SIK2: variants seen among roughly 807,000 people sequenced by gnomAD.
The protein encoded by SIK2 is serine/threonine-protein kinase SIK2.
SIK2 carries 29 observed loss-of-function variants against 103.2 expected under a neutral mutation model. The ratio of observed to expected loss-of-function variants is 0.28; its 90% confidence interval spans 0.21 to 0.38. The LOEUF is 0.38. Among genes scored for constraint, SIK2 ranks in the 10% least tolerant of loss-of-function variants. SIK2 has a pLI of 1.00. For synonymous variants in SIK2, 412 were observed against 446.1 expected (o/e 0.92, Z 0.96); for missense variants, 879 against 1,171.0 (o/e 0.75, Z 3.64).
At chr11:111,690,090 G>C (rs1371560032) in intron 4 of SIK2, among the ~76,000 whole-genome samples, 1 of 151,804 alleles carries the variant, frequency 6.6e-6, no homozygotes, top group Non-Finnish European at 1.5e-5. Context: ...TACTTTCATA[G>C]TTTATGTCTG....
chr11:111,729,118 A>AG lies in SIK2; in HGVS notation c.*4990dup, dbSNP rs751691417. The AG allele has an allele frequency of 1.8e-4, 27 of 152,380 alleles. No individual in the cohort carries two copies. Among genetic ancestry groups the AG allele is most frequent in the Admixed American group, 1.6e-3 (25 of 15,306 alleles). The allele number at this position is 152,380 out of a possible 1,614,324, so 9.4% of individuals were successfully genotyped here. On this transcript the variant is annotated 3_prime_UTR_variant, in exon 15 of 15. Transcript: ENST00000304987. ...GCAGTGGAGCCTCTCACCTTCCAGTAGCCTCTCACATTCTTATTTTACCAT... is the reference window on the plus strand; with the variant it reads ...GCAGTGGAGCCTCTCACCTTCCAGTAGGCCTCTCACATTCTTATTTTACCAT...
At chr11:111,690,505 C>T (rs558193125) in intron 4 of SIK2, among the ~76,000 whole-genome samples, 1 of 151,626 alleles carries the variant, frequency 6.6e-6, no homozygotes, top group East Asian at 1.9e-4. Flanking sequence ...AGCTTTGTTA[C>T]GTAGGTATAC....
chr11:111,715,342 A>C (rs1358041944), intron 9 of SIK2, among the ~76,000 whole-genome samples: 1 of 152,198 alleles, frequency 6.6e-6, no homozygotes, highest in Non-Finnish European at 1.5e-5. Flanking sequence ...TCAGAGACAC[A>C]GTTCCCTTTT....
rs117084703 is a variant in SIK2 at position 111,703,990 on chromosome 11, C to T, written c.948+567C>T. Among the ~76,000 whole-genome samples the T allele has an allele frequency of 8.5e-5, 13 of 152,304 alleles. No individual in the cohort carries two copies. In the East Asian group the frequency reaches 2.3e-3, roughly 27 times the overall value. On this transcript the variant is annotated intron_variant, in intron 7 of 14. Transcript: ENST00000304987. The stretch of plus-strand genomic sequence containing the variant: ...ATAGTTAGCATACTTATAGGATATA[C>T]GTATTTCTAATACCTTTACGATAGT...
intron 3 of SIK2, among the ~76,000 whole-genome samples, chr11:111,638,082 A>G (rs933177174): frequency 3.3e-5 from 5 of 152,142 alleles, no homozygotes; most frequent in East Asian, 1.9e-4. Context: ...GGGATTTCCA[A>G]TGTTTGTATC....
At chr11:111,611,086 A>ATGTGTGTGTG (rs113893092) in intron 1 of SIK2, among the ~76,000 whole-genome samples, 3 of 89,692 alleles carry the variant, frequency 3.3e-5, no homozygotes, top group African/African-American at 2.9e-5. Flanking sequence ...TCTCGACCAA[A>ATGTGTGTGTG]TGTGTGTGTG....
intron 8 of SIK2, among the ~76,000 whole-genome samples, chr11:111,709,650 A>C (rs1943444116): frequency 6.6e-6 from 1 of 152,210 alleles, no homozygotes; most frequent in African/African-American, 2.4e-5. Flanking sequence ...TTGCTAATCA[A>C]CTGTGTAATG....
chr11:111,651,178 T>C (rs1168262735), intron 3 of SIK2, among the ~76,000 whole-genome samples: 2 of 152,168 alleles, frequency 1.3e-5, no homozygotes, highest in African/African-American at 2.4e-5. Context: ...CAGTTATTAG[T>C]GTAGCAATCT....
At chr11:111,709,232 G>A (rs138052914) in intron 8 of SIK2, among the ~76,000 whole-genome samples, 30 of 152,324 alleles carry the variant, frequency 2.0e-4, no homozygotes, top group African/African-American at 7.0e-4. Context: ...TGGAGAGAAA[G>A]ATCTCTGGTG....
At chr11:111,674,891 C>A (rs1024701088) in intron 3 of SIK2, among the ~76,000 whole-genome samples, 1 of 152,086 alleles carries the variant, frequency 6.6e-6, no homozygotes, top group East Asian at 1.9e-4. Context: ...GGATCACAGG[C>A]GCATGCCACT....
intron 3 of SIK2, among the ~76,000 whole-genome samples, chr11:111,623,025 A>G (rs370710156): frequency 2.6e-5 from 4 of 152,328 alleles, no homozygotes; most frequent in South Asian, 4.1e-4. Context: ...TCCTTCAGAT[A>G]TTCCAGTCAA....
At chr11:111,674,135 G>T (rs535217562) in intron 3 of SIK2, among the ~76,000 whole-genome samples, 10 of 151,856 alleles carry the variant, frequency 6.6e-5, no homozygotes, top group African/African-American at 2.4e-4. Flanking sequence ...TTTAGAAACA[G>T]GCCTACAAAG....
Position 111,645,981 on chromosome 11 carries a change from A to G in SIK2, c.316+25579A>G, listed in dbSNP as rs140354222. Among the ~76,000 whole-genome samples, 390 of 152,262 alleles carry G rather than the reference A, an allele frequency of 2.6e-3. 2 individuals carry two copies. Among genetic ancestry groups the G allele is most frequent in the African/African-American group, 8.6e-3 (358 of 41,560 alleles). ...GTTATGTAGGTATTTATAATAATTC[A>G]CTAAACTGCACATTTATGTTTTAGA... On this transcript the variant is annotated intron_variant, in intron 3 of 14. Transcript: ENST00000304987.
chr11:111,623,204 C>G (rs1941917507), intron 3 of SIK2, among the ~76,000 whole-genome samples: 1 of 152,186 alleles, frequency 6.6e-6, no homozygotes, highest in African/African-American at 2.4e-5. Context: ...TCATCTCAGA[C>G]ATTGTAGTAT....
intron 3 of SIK2, among the ~76,000 whole-genome samples, chr11:111,641,035 C>T (rs547407042): frequency 3.3e-5 from 5 of 152,188 alleles, no homozygotes; most frequent in African/African-American, 1.2e-4. Flanking sequence ...GAACTAATGG[C>T]GAAATTTACC....
At chr11:111,680,668 C>T (rs1376887868) in intron 3 of SIK2, among the ~76,000 whole-genome samples, 1 of 152,168 alleles carries the variant, frequency 6.6e-6, no homozygotes, top group Admixed American at 6.5e-5. Context: ...CATGAGGGAA[C>T]TCAGCTGTCT....
intron 3 of SIK2, among the ~76,000 whole-genome samples, chr11:111,629,892 G>A (rs1451165755): frequency 1.3e-5 from 2 of 152,144 alleles, no homozygotes; most frequent in South Asian, 2.1e-4. Flanking sequence ...CAACCAGTTG[G>A]GAGAACTGTT....
chr11:111,730,026 A>G lies in SIK2; in HGVS notation c.*5897A>G, dbSNP rs1944132525. On this transcript the variant is annotated 3_prime_UTR_variant, in exon 15 of 15. Transcript: ENST00000304987. The stretch of plus-strand genomic sequence containing the variant: ...AGCAGATTCCACCCCAGGAACGGTC[A>G]TGAACTCAGCCTTTGTCTCAACGAG... 6.6e-6 allele frequency: 1 copy of G among 152,308 alleles called. No individual in the cohort carries two copies. Among genetic ancestry groups the G allele is most frequent in the South Asian group, 2.1e-4 (1 of 4,836 alleles). The allele number at this position is 152,308 out of a possible 1,614,324, so 9.4% of individuals were successfully genotyped here.
rs572223078 is a variant in SIK2 at position 111,688,690 on chromosome 11, C to T, written c.478+528C>T. On this transcript the variant is annotated intron_variant, in intron 4 of 14. Transcript: ENST00000304987. The surrounding 1 kb of genome is among the most constrained non-coding windows in gnomAD (Gnocchi z 4.2). ...AGAGATTAGTTTGCCTGTTTTTCTC[C>T]TTGCCTTTTCACAGTTGTAAAATGT... 6.6e-6 allele frequency among the ~76,000 whole-genome samples: 1 copy of T among 152,256 alleles called. No homozygotes were observed. Among genetic ancestry groups the T allele is most frequent in the Admixed American group, 6.5e-5 (1 of 15,294 alleles).
Sources: allele counts gnomAD v4.1 joint callset (sites outside exome capture counted in the v4.1 genomes callset), GRCh38; gene constraint gnomAD v4.1.1; non-coding constraint Gnocchi (gnomAD v3.1); transcripts MANE v1.5; gene names NCBI Gene and HGNC (gene_info 2026-07-23, HGNC 2026-07-21).